SCFD1: variants seen among roughly 807,000 people sequenced by gnomAD.
The protein encoded by SCFD1 is sec1 family domain containing 1, also known as sec1 family domain-containing protein 1.
Under a neutral mutation model 103.2 loss-of-function variants are expected in SCFD1, and 37 were observed. The ratio of observed to expected loss-of-function variants is 0.36; its 90% confidence interval spans 0.28 to 0.47. The LOEUF (loss-of-function observed/expected upper bound fraction) is 0.47, where lower values mean the gene tolerates loss of function less well. SCFD1 is among the 20% of genes least tolerant of loss of function. The probability of loss-of-function intolerance (pLI) is 1.00; values close to 1 mark genes in which losing one functional copy is unlikely to be tolerated. For missense variants in SCFD1, 639 were observed against 761.2 expected (o/e 0.84, Z 1.89); for synonymous variants, 264 against 245.0 (o/e 1.08, Z -0.73).
rs148017387 is a variant in SCFD1 at position 30,659,796 on chromosome 14, G to A, written c.855+6208G>A. Among the ~76,000 whole-genome samples, 230 of 152,112 alleles carry A rather than the reference G, an allele frequency of 1.5e-3. 1 individual carries two copies. The highest frequency in any genetic ancestry group is 4.8e-3 in the African/African-American group (199 of 41,506). ...TTTTTTCTTGGTCATAGTATTTATT[G>A]TTCCTTGTCCAGTATGGATGAGCAA... On this transcript the variant is annotated intron_variant, in intron 10 of 24. Transcript: ENST00000458591.
chr14:30,676,301 A>G (rs2139231874), intron 14 of SCFD1: 1 of 152,342 alleles, frequency 6.6e-6, no homozygotes, highest in Admixed American at 6.5e-5. Context: ...CCCTGAAGAT[A>G]CTGTAGTAAA....
chr14:30,724,753 C>A (rs1305035854), intron 23 of SCFD1, among the ~76,000 whole-genome samples: 1 of 152,134 alleles, frequency 6.6e-6, no homozygotes. Context: ...GTCATGAAAT[C>A]TTTGCCCATT....
At chr14:30,639,661 G>A in intron 5 of SCFD1, 116 bp from the exon 6 acceptor site, 1 of 1,084,290 alleles carries the variant, frequency 9.2e-7, no homozygotes, top group South Asian at 1.9e-5. Context: ...TTTAGTTATT[G>A]AATGTAATTA....
intron 23 of SCFD1, among the ~76,000 whole-genome samples, chr14:30,729,385 G>A (rs192514198): frequency 2.6e-4 from 39 of 152,204 alleles, no homozygotes; most frequent in Admixed American, 2.0e-3. Flanking sequence ...TTAAAATATG[G>A]TATGAAGATC....
chr14:30,717,569 A>ATT, intron 20 of SCFD1, among the ~76,000 whole-genome samples: 1 of 152,322 alleles, frequency 6.6e-6, no homozygotes, highest in Non-Finnish European at 1.5e-5. Context: ...GATAATAGCT[A>ATT]ACATTTATTG....
chr14:30,653,543 T>G lies in SCFD1; in HGVS notation c.810T>G (p.Pro270=). ...LVDRNIDLAT[P]LHHTWTYQAL... ...ACAGAAACATAGATTTGGCAACTCC[T>G]TTACATCATACTTGGACATATCAAG... The change falls in exon 10 of 25, where the codon CCT becomes CCG. Residue 270 remains proline (P), a synonymous_variant. Coordinates refer to ENST00000458591, the MANE Select transcript of SCFD1 (RefSeq NM_016106.4). 6.2e-7 allele frequency: 1 copy of G among 1,613,706 alleles called. No individual in the cohort carries two copies. Among genetic ancestry groups the G allele is most frequent in the Non-Finnish European group, 8.5e-7 (1 of 1,179,690 alleles).
At chr14:30,734,531 A>G (rs767386930) in intron 23 of SCFD1, 3 of 386,298 alleles carry the variant, frequency 7.8e-6, no homozygotes, top group Non-Finnish European at 1.4e-5. Context: ...GATTCCTTCT[A>G]TTTTTAGTGT....
chr14:30,647,757 T>A (rs1885982035), intron 7 of SCFD1, among the ~76,000 whole-genome samples: 1 of 152,164 alleles, frequency 6.6e-6, no homozygotes, highest in South Asian at 2.1e-4. Flanking sequence ...TTCAAGCGAT[T>A]CTCCTGCCTC....
rs1485917984 is a variant in SCFD1, at chr14:30,721,801, C to G, written c.1737-83C>G. On this transcript the variant is annotated intron_variant, in intron 21 of 24. Coordinates refer to ENST00000458591, the MANE Select transcript of SCFD1 (RefSeq NM_016106.4). ...AATTGTAAATACTTACCTAATAGTGCATGTGTGTGTATTTCCCATACCTAT... is the reference window on the plus strand; with the variant it reads ...AATTGTAAATACTTACCTAATAGTGGATGTGTGTGTATTTCCCATACCTAT... 5 of 1,076,678 alleles carry G rather than the reference C, an allele frequency of 4.6e-6. No individual in the cohort carries two copies. In the East Asian group the frequency reaches 1.2e-4, roughly 26 times the overall value. 66.7% of individuals were successfully genotyped at this position (1,076,678 alleles called of 1,614,324 possible).
chr14:30,726,199 T>C (rs1893032802), intron 23 of SCFD1, among the ~76,000 whole-genome samples: 1 of 150,256 alleles, frequency 6.7e-6, no homozygotes, highest in South Asian at 2.1e-4. Flanking sequence ...ATTATAACTT[T>C]TAAAAAAATT....
chr14:30,633,171 A>T (rs531114951), intron 3 of SCFD1, among the ~76,000 whole-genome samples: 13 of 152,322 alleles, frequency 8.5e-5, no homozygotes, highest in Middle Eastern at 6.8e-3. Context: ...TCACATTATC[A>T]TTCTTGATAT....
At chr14:30,627,420 A>C (rs775998569) in intron 1 of SCFD1, among the ~76,000 whole-genome samples, 2 of 152,188 alleles carry the variant, frequency 1.3e-5, no homozygotes, top group African/African-American at 4.8e-5. Flanking sequence ...ATATGAACCA[A>C]TTGAATATGC....
chr14:30,676,207 C>G (rs1889022173), intron 14 of SCFD1: 1 of 152,158 alleles, frequency 6.6e-6, no homozygotes, highest in Admixed American at 6.6e-5. Context: ...AGGTCGGAGA[C>G]TAGAACTTAT....
At chr14:30,681,356 A>G (rs1889463752) in intron 14 of SCFD1, among the ~76,000 whole-genome samples, 1 of 152,142 alleles carries the variant, frequency 6.6e-6, no homozygotes, top group Non-Finnish European at 1.5e-5. Flanking sequence ...ATTTCGTGAT[A>G]ATAAGGTCAC....
At chr14:30,637,214 A>G (rs1258831799) in intron 4 of SCFD1, among the ~76,000 whole-genome samples, 1 of 152,034 alleles carries the variant, frequency 6.6e-6, no homozygotes, top group Non-Finnish European at 1.5e-5. Flanking sequence ...CCCCTCACCT[A>G]TCCAGATAAA....
At position 30,691,932 on chromosome 14, in the gene SCFD1, CTTTA is replaced by C. The variant is rs10639442; in HGVS notation, c.1243-2807_1243-2804del. Among the ~76,000 whole-genome samples, 524 of 143,238 alleles carry C rather than the reference CTTTA, an allele frequency of 3.7e-3. 4 individuals are homozygous for C. The highest frequency in any genetic ancestry group is 0.018 in the East Asian group (85 of 4,848). 94.0% of individuals were successfully genotyped at this position (143,238 alleles called of 152,430 possible). A position where few individuals can be genotyped will look rare whatever the true frequency, so the allele number is the denominator to read the frequency against. ...AGAATCTGCTATGGCATTTAGCATA[CTTTA>C]TTTATTTATTTATTTATTTATTTAT... On this transcript the variant is annotated intron_variant, in intron 14 of 24. Coordinates refer to ENST00000458591, the MANE Select transcript of SCFD1 (RefSeq NM_016106.4).
chr14:30,651,031 T>G (rs1886350284), intron 9 of SCFD1, among the ~76,000 whole-genome samples: 1 of 152,150 alleles, frequency 6.6e-6, no homozygotes, highest in Admixed American at 6.6e-5. Flanking sequence ...TAAATACTAA[T>G]AGCCTAAACT....
chr14:30,622,380 T>C lies in SCFD1; in HGVS notation c.42T>C (p.Ser14=), dbSNP rs1342837227. The change falls in exon 1 of 25, where the codon AGT becomes AGC. Residue 14 remains serine, a synonymous_variant. Transcript: ENST00000458591. ...AAAATAAAAA[S]IRERQTVALK... is the part of the protein sequence containing the mutation. ...CAGCGACAGCAGCAGCAGCAGCCAG[T>C]ATTCGGGAAAGGCAGACAGGTACTG... The C allele has an allele frequency of 1.3e-6, 2 of 1,556,926 alleles. No individual in the cohort carries two copies. The highest frequency in any genetic ancestry group is 1.9e-5 in the Admixed American group (1 of 51,558).
intron 16 of SCFD1, among the ~76,000 whole-genome samples, chr14:30,701,194 A>G (rs1052855342): frequency 3.9e-5 from 6 of 152,216 alleles, no homozygotes; most frequent in African/African-American, 1.2e-4. Context: ...TCTTTGGCAT[A>G]TTAAGACAGC....
Sources: allele counts gnomAD v4.1 joint callset (sites outside exome capture counted in the v4.1 genomes callset), GRCh38; gene constraint gnomAD v4.1.1; transcripts MANE v1.5; gene names NCBI Gene and HGNC (gene_info 2026-07-23, HGNC 2026-07-21).